Variants in TMEM144 observed in about 807,000 individuals in gnomAD.
TMEM144 encodes the protein transmembrane protein 144.
Under a neutral mutation model 43.6 loss-of-function variants are expected in TMEM144, and 39 were observed. The ratio of observed to expected loss-of-function variants is 0.90; its 90% CI spans 0.69 to 1.17. The LOEUF (loss-of-function observed/expected upper bound fraction) is 1.17. TMEM144 is among the 50% of genes most tolerant of loss of function. The pLI is 0.00. For synonymous variants in TMEM144, 154 were observed against 133.6 expected (o/e 1.15, Z -1.06); for missense variants, 417 against 411.9 (o/e 1.01, Z -0.11).
chr4:158,232,872 A>T (rs1274731346), intron 6 of TMEM144, 29 bp from the exon 7 acceptor site: 1 of 1,503,280 alleles, frequency 6.7e-7, no homozygotes, highest in East Asian at 2.3e-5. Flanking sequence ...TATTATGATA[A>T]ATATCACTAA....
At chr4:158,244,473 C>T in intron 12 of TMEM144, 124 bp downstream of exon 12, 1 of 690,204 alleles carries the variant, frequency 1.4e-6, no homozygotes, top group Non-Finnish European at 2.5e-6. Flanking sequence ...AGTTCAAGAC[C>T]AGCCTGGCCG....
At chr4:158,245,260 GTGTATGTA>G (rs10593385) in intron 12 of TMEM144, among the ~76,000 whole-genome samples, 22 of 57,898 alleles carry the variant, frequency 3.8e-4, no homozygotes, top group African/African-American at 7.3e-4. Flanking sequence ...GTGTGTGTGT[GTGTATGTA>G]TGTTTTCTTT....
chr4:158,251,767 A>G (rs1426134552), intron 12 of TMEM144, among the ~76,000 whole-genome samples: 8 of 152,186 alleles, frequency 5.3e-5, no homozygotes, highest in Non-Finnish European at 1.0e-4. Flanking sequence ...ATCTTCATGA[A>G]TATTCCACCC....
chr4:158,228,199 A>C (rs1734872855), intron 6 of TMEM144, among the ~76,000 whole-genome samples: 1 of 152,210 alleles, frequency 6.6e-6, no homozygotes, highest in African/African-American at 2.4e-5. Context: ...GCTTCCACTC[A>C]AATGGAGTAG....
intron 9 of TMEM144, among the ~76,000 whole-genome samples, chr4:158,239,464 C>T (rs533494371): frequency 1.2e-3 from 180 of 152,286 alleles, no homozygotes; most frequent in Non-Finnish European, 1.6e-3. Flanking sequence ...CCATGTACTT[C>T]GTTTTATAAT....
intron 6 of TMEM144, among the ~76,000 whole-genome samples, chr4:158,223,434 T>C (rs1227205838): frequency 6.6e-6 from 1 of 152,184 alleles, no homozygotes; most frequent in Non-Finnish European, 1.5e-5. Context: ...TTTATTTATT[T>C]ATTCATTTAT....
intron 12 of TMEM144, among the ~76,000 whole-genome samples, chr4:158,245,213 A>AGTGTGTGTGT (rs759486531): frequency 2.3e-4 from 29 of 125,686 alleles, no homozygotes; most frequent in East Asian, 1.4e-3. Flanking sequence ...TTCTAGTAAG[A>AGTGTGTGTGT]GTGTGTGTGT....
rs1020271586 is a variant in TMEM144 at position 158,255,293 on chromosome 4, C to T, written c.*1766C>T. Reference sequence around the variant, plus strand: ...AAATTGTGATACAAAAGCTATTTTTCTCATTTAAATATATTTTAGAATTTT... The same window carrying T: ...AAATTGTGATACAAAAGCTATTTTTTTCATTTAAATATATTTTAGAATTTT... On this transcript the variant is annotated 3_prime_UTR_variant, in exon 13 of 13. Transcript: ENST00000296529. 6.6e-6 allele frequency: 1 copy of T among 151,602 alleles called. No individual in the cohort carries two copies. The highest frequency in any genetic ancestry group is 6.6e-5 in the Admixed American group (1 of 15,208). 9.4% of individuals were successfully genotyped at this position (151,602 alleles called of 1,614,324 possible). A position where few individuals can be genotyped will look rare whatever the true frequency, so the allele number is the denominator to read the frequency against.
In TMEM144 at chr4:158,212,707, T is replaced by A. The variant is rs1257561637; in HGVS notation, c.40T>A (p.Ser14Thr). The A allele has an allele frequency of 4.3e-6, 7 of 1,613,798 alleles. No individual in the cohort carries two copies. The highest frequency in any genetic ancestry group is 3.3e-4 in the Middle Eastern group (2 of 6,056). The change falls in exon 3 of 13, where the codon TCC becomes ACC. Residue 14 changes from serine (S) to threonine (T), a missense_variant. Transcript: ENST00000296529. The stretch of plus-strand genomic sequence containing the variant: ...AGCAGACCTAACCTTTGGTTACATC[T>A]CCTGTTTTGTAGCTATCCTTTTGTT... ...NGADLTFGYISCFVAILLFGS... is the reference protein window; with the variant it reads ...NGADLTFGYITCFVAILLFGS...
rs1300002047 is a variant in TMEM144, at chr4:158,255,212, T to C, written c.*1685T>C. 6.6e-6 allele frequency: 1 copy of C among 152,106 alleles called. No homozygotes were observed. The highest frequency in any genetic ancestry group is 2.4e-5 in the African/African-American group (1 of 41,446). The allele number at this position is 152,106 out of a possible 1,614,324, so 9.4% of individuals were successfully genotyped here. On this transcript the variant is annotated 3_prime_UTR_variant, in exon 13 of 13. Transcript: ENST00000296529. ...ATAAATATTTGACTATAACTTCTTA[T>C]ACTCATTTTAATTTTAACCTGAAAT...
Position 158,230,381 on chromosome 4 carries a change from C to T in TMEM144, c.414-2520C>T, listed in dbSNP as rs538212024. ...AAGGAGTCACACACTAATTATCATT[C>T]TTTTTGATGTGAGCCTCTGATTGCT... On this transcript the variant is annotated intron_variant, in intron 6 of 12. Coordinates refer to ENST00000296529, the MANE Select transcript of TMEM144 (RefSeq NM_018342.5). 2.4e-3 allele frequency among the ~76,000 whole-genome samples: 361 copies of T among 152,266 alleles called. 12 individuals carry two copies. The South Asian group carries it at 0.043, about 18-fold the overall frequency.
intron 12 of TMEM144, among the ~76,000 whole-genome samples, chr4:158,246,380 T>A (rs2111150776): frequency 6.6e-6 from 1 of 152,344 alleles, no homozygotes; most frequent in Admixed American, 6.5e-5. Context: ...AATGTACTTC[T>A]ACCTGATCTT....
intron 12 of TMEM144, among the ~76,000 whole-genome samples, chr4:158,248,938 G>A (rs1205958650): frequency 2.0e-5 from 3 of 152,000 alleles, no homozygotes; most frequent in Non-Finnish European, 4.4e-5. Flanking sequence ...ATGGAGTCTC[G>A]CTCTGTTGCC....
At chr4:158,243,731 A>T (rs984036146) in intron 11 of TMEM144, among the ~76,000 whole-genome samples, 6 of 151,810 alleles carry the variant, frequency 4.0e-5, no homozygotes, top group Non-Finnish European at 7.4e-5. Flanking sequence ...TTACACGTTT[A>T]TTTTAATCTT....
chr4:158,237,651 T>A lies in TMEM144; in HGVS notation c.682+8T>A, dbSNP rs1218546755. The A allele has an allele frequency of 6.4e-7, 1 of 1,551,252 alleles. No homozygotes were observed. Among genetic ancestry groups the A allele is most frequent in the African/African-American group, 1.4e-5 (1 of 73,306 alleles). ...CAGGGGCAAGCCAATATGGTGAGAA[T>A]AAAAAGTTATCTTACTTTATTAATA... On this transcript the variant is annotated splice_region_variant and intron_variant, in intron 9 of 12. Transcript: ENST00000296529.
chr4:158,218,039 C>G (rs1734316856), intron 5 of TMEM144, among the ~76,000 whole-genome samples: 1 of 152,190 alleles, frequency 6.6e-6, no homozygotes, highest in African/African-American at 2.4e-5. Context: ...CCCACAAAGC[C>G]TAAATTATCT....
intron 6 of TMEM144, among the ~76,000 whole-genome samples, chr4:158,220,869 C>T (rs1452584223): frequency 6.6e-6 from 1 of 152,156 alleles, no homozygotes; most frequent in African/African-American, 2.4e-5. Flanking sequence ...GAACTCTTCC[C>T]GTAGTGCATC....
At chr4:158,221,898 AT>A (rs1424164798) in intron 6 of TMEM144, among the ~76,000 whole-genome samples, 2 of 152,092 alleles carry the variant, frequency 1.3e-5, no homozygotes, top group Admixed American at 6.5e-5. Flanking sequence ...ACACTAAACC[AT>A]TTGTTCCTTT....
intron 4 of TMEM144, among the ~76,000 whole-genome samples, 186 bp downstream of exon 4, chr4:158,215,499 C>T (rs915356154): frequency 2.0e-5 from 3 of 152,062 alleles, no homozygotes; most frequent in African/African-American, 7.2e-5. Flanking sequence ...CTGATTTGTT[C>T]CACCTGATTT....
Sources: gnomAD v4.1 joint callset for allele counts (sites outside exome capture counted in the v4.1 genomes callset) on GRCh38, gnomAD v4.1.1 for gene constraint, MANE v1.5 for transcripts, NCBI Gene and HGNC (gene_info 2026-07-23, HGNC 2026-07-21) for gene names.